Variants in ST6GAL1 observed in about 807,000 individuals in gnomAD.
ST6GAL1 encodes ST6 beta-galactoside alpha-2,6-sialyltransferase 1.
ST6GAL1 carries 20 observed loss-of-function variants against 38.0 expected under a neutral mutation model. The observed-to-expected ratio is 0.53, with a 90% CI of 0.37 to 0.77. The LOEUF is 0.77. Among genes scored for constraint, ST6GAL1 ranks in the 30% least tolerant of loss-of-function variants. The probability of loss-of-function intolerance (pLI) is 0.00; values close to 1 mark genes in which losing one functional copy is unlikely to be tolerated. For missense variants in ST6GAL1, 432 were observed against 496.4 expected, an observed-to-expected ratio of 0.87 and a Z score of 1.23; for synonymous variants, 196 against 188.2, an observed-to-expected ratio of 1.04 and a Z score of -0.34.
At chr3:187,010,745 A>C (rs930417309) in intron 2 of ST6GAL1, among the ~76,000 whole-genome samples, 3 of 152,206 alleles carry the variant, frequency 2.0e-5, no homozygotes, top group Non-Finnish European at 2.9e-5. Context: ...GGCGAGCAAT[A>C]TCTGCAATTC....
chr3:187,039,482 G>A (rs1287146188), intron 3 of ST6GAL1, among the ~76,000 whole-genome samples: 1 of 152,188 alleles, frequency 6.6e-6, no homozygotes, highest in Non-Finnish European at 1.5e-5. Flanking sequence ...CAGCAAAGGG[G>A]AGCAGGGATA....
chr3:186,995,505 CAA>C lies in ST6GAL1; in HGVS notation c.-183+31588_-183+31589del, dbSNP rs200317857. 1.9e-3 allele frequency among the ~76,000 whole-genome samples: 50 copies of C among 26,784 alleles called. 1 individual carries two copies. In the South Asian group the frequency reaches 0.02, roughly 10 times the overall value. 17.6% of individuals were successfully genotyped at this position (26,784 alleles called of 152,430 possible). A position where few individuals can be genotyped will look rare whatever the true frequency, so the allele number is the denominator to read the frequency against. On this transcript the variant is annotated intron_variant, in intron 2 of 7. Coordinates refer to ENST00000169298, the MANE Select transcript of ST6GAL1 (RefSeq NM_173216.2). ...TGGGTGACAGAGTGAGACACCATCTCAAAAAAAAAATAATAATAAAATAAAAA... is the reference window on the plus strand; with the variant it reads ...TGGGTGACAGAGTGAGACACCATCTCAAAAAAAATAATAATAAAATAAAAA...
Position 187,020,904 on chromosome 3 carries a change from A to T in ST6GAL1, c.-182-17838A>T, listed in dbSNP as rs77550438. ...AAGGTAACTGGTAGTTCTGTCCAAA[A>T]AATGTGAGACATCTCAAAGTGGGGG... On this transcript the variant is annotated intron_variant, in intron 2 of 7. Transcript: ENST00000169298. Among the ~76,000 whole-genome samples, 28 of 152,268 alleles carry T rather than the reference A, an allele frequency of 1.8e-4. No individual in the cohort carries two copies. In the East Asian group the frequency reaches 5.4e-3, roughly 29 times the overall value.
At chr3:187,028,709 T>G (rs1254185686) in intron 2 of ST6GAL1, among the ~76,000 whole-genome samples, 1 of 152,212 alleles carries the variant, frequency 6.6e-6, no homozygotes, top group Admixed American at 6.5e-5. Flanking sequence ...ACGTATTACA[T>G]ATTATTATAT....
rs1719624046 is a variant in ST6GAL1, at chr3:187,078,122, T to C, written c.*2319T>C. 6.6e-6 allele frequency: 1 copy of C among 152,540 alleles called. No individual in the cohort carries two copies. The highest frequency in any genetic ancestry group is 1.9e-4 in the East Asian group (1 of 5,196). 9.4% of individuals were successfully genotyped at this position (152,540 alleles called of 1,614,324 possible). A position where few individuals can be genotyped will look rare whatever the true frequency, so the allele number is the denominator to read the frequency against. On this transcript the variant is annotated 3_prime_UTR_variant, in exon 8 of 8. Transcript: ENST00000169298. Reference sequence around the variant, plus strand: ...TGGCATTCCGACAGCAGGACATACATGTTGGTGTGAAGACTGGGACGACAC... The same window carrying C: ...TGGCATTCCGACAGCAGGACATACACGTTGGTGTGAAGACTGGGACGACAC...
intron 2 of ST6GAL1, among the ~76,000 whole-genome samples, chr3:187,007,657 A>G (rs1350781088): frequency 1.3e-5 from 2 of 152,246 alleles, no homozygotes; most frequent in Admixed American, 1.3e-4. Flanking sequence ...TTTACTCAAT[A>G]TCAAAACAAC....
intron 3 of ST6GAL1, among the ~76,000 whole-genome samples, chr3:187,041,668 A>C (rs1718128151): frequency 6.6e-6 from 1 of 152,194 alleles, no homozygotes; most frequent in African/African-American, 2.4e-5. Flanking sequence ...ACCTCAGTGC[A>C]ACCATTTCCT....
chr3:186,966,559 C>A (rs909095512), intron 2 of ST6GAL1, among the ~76,000 whole-genome samples: 8 of 152,214 alleles, frequency 5.3e-5, no homozygotes, highest in African/African-American at 1.7e-4. Flanking sequence ...TCTCTCCCGT[C>A]GGGGAATATC....
intron 1 of ST6GAL1, among the ~76,000 whole-genome samples, chr3:186,963,084 C>G (rs1261815082): frequency 6.6e-6 from 1 of 152,098 alleles, no homozygotes; most frequent in Non-Finnish European, 1.5e-5. Flanking sequence ...ATAGATTGAA[C>G]ATACTTTTTC....
chr3:186,941,153 C>G (rs2108515391), intron 1 of ST6GAL1, among the ~76,000 whole-genome samples: 1 of 152,294 alleles, frequency 6.6e-6, no homozygotes, highest in Non-Finnish European at 1.5e-5. Flanking sequence ...CATCACGTTC[C>G]CCTCCCCTTC....
chr3:187,043,100 A>G lies in ST6GAL1; in HGVS notation c.397A>G (p.Ile133Val). The change falls in exon 4 of 8, where the codon ATC becomes GTC. Residue 133 changes from isoleucine to valine, a missense_variant. By Grantham distance (29) the Ile-to-Val change is conservative (BLOSUM62 3). Transcript: ENST00000169298. ...GTCCTACAAGGGGCCAGGACCAGGC[A>G]TCAAGTTCAGTGCAGAGGCCCTGCG... ...KVSYKGPGPG[I>V]KFSAEALRCH... 1.9e-6 allele frequency: 3 copies of G among 1,614,240 alleles called. No homozygotes were observed. Among genetic ancestry groups the G allele is most frequent in the East Asian group, 2.2e-5 (1 of 44,888 alleles).
intron 4 of ST6GAL1, among the ~76,000 whole-genome samples, chr3:187,044,984 C>T (rs1429339679): frequency 6.6e-6 from 1 of 152,092 alleles, no homozygotes; most frequent in Admixed American, 6.5e-5. Flanking sequence ...TTAAGACATT[C>T]ATATATTCTT....
chr3:187,056,524 T>C (rs1718707626), intron 5 of ST6GAL1, among the ~76,000 whole-genome samples: 1 of 152,188 alleles, frequency 6.6e-6, no homozygotes, highest in African/African-American at 2.4e-5. Context: ...CAGCATTTGC[T>C]TGTCTGTAAA....
intron 2 of ST6GAL1, among the ~76,000 whole-genome samples, chr3:187,004,795 T>G (rs188163374): frequency 1.3e-5 from 2 of 152,364 alleles, no homozygotes; most frequent in Non-Finnish European, 2.9e-5. Context: ...GTTTCTTTCC[T>G]TTAGAGAAAT....
chr3:186,984,408 G>A (rs1715795170), intron 2 of ST6GAL1, among the ~76,000 whole-genome samples: 1 of 152,070 alleles, frequency 6.6e-6, no homozygotes, highest in African/African-American at 2.4e-5. Flanking sequence ...AAAAGCCAGA[G>A]TTCTTGCCAA....
At chr3:186,971,348 T>G (rs1715343487) in intron 2 of ST6GAL1, among the ~76,000 whole-genome samples, 1 of 152,260 alleles carries the variant, frequency 6.6e-6, no homozygotes, top group African/African-American at 2.4e-5. Flanking sequence ...TCCACGTGCC[T>G]CGGCCTCCTG....
rs187433185 is a variant in ST6GAL1, at chr3:186,964,562, G to A, written c.-183+636G>A. Among the ~76,000 whole-genome samples, 4 of 152,294 alleles carry A rather than the reference G, an allele frequency of 2.6e-5. No individual in the cohort carries two copies. The East Asian group carries it at 7.7e-4, about 29-fold the overall frequency. On this transcript the variant is annotated intron_variant, in intron 2 of 7. Coordinates refer to ENST00000169298, the MANE Select transcript of ST6GAL1 (RefSeq NM_173216.2). ...AAGGTTACTCTTTAAGCTTCCACAG[G>A]ATGTTGATTTTTCCTGTGTGGAGGT...
intron 2 of ST6GAL1, among the ~76,000 whole-genome samples, chr3:186,969,051 CTTTTTTT>C (rs34520153): frequency 4.5e-5 from 4 of 89,240 alleles, no homozygotes; most frequent in Non-Finnish European, 9.4e-5. Context: ...TTCTCTTTTT[CTTTTTTT>C]TTTTTTTTTT....
rs181708920 is a variant in ST6GAL1 at position 187,005,012 on chromosome 3, C to T, written c.-182-33730C>T. On this transcript the variant is annotated intron_variant, in intron 2 of 7. Transcript: ENST00000169298. ...CCTAGGAGCTTCTAAGTCTTACAAA[C>T]GTTTTTGACTGCCACCATCAATAAG... Among the ~76,000 whole-genome samples the T allele has an allele frequency of 1.3e-4, 20 of 152,026 alleles. No individual in the cohort carries two copies. The East Asian group carries it at 3.7e-3, about 28-fold the overall frequency.
Sources: allele counts gnomAD v4.1 joint callset (sites outside exome capture counted in the v4.1 genomes callset), GRCh38; gene constraint gnomAD v4.1.1; transcripts MANE v1.5; gene names NCBI Gene and HGNC (gene_info 2026-07-23, HGNC 2026-07-21).